The following TMEM132D variants were observed in gnomAD, a reference collection of about 807,000 sequenced individuals.
The protein encoded by TMEM132D is mature OL transmembrane protein.
Under a neutral mutation model 62.3 loss-of-function variants are expected in TMEM132D, and 21 were observed. The observed-to-expected ratio is 0.34, with a 90% confidence interval of 0.24 to 0.49. The LOEUF is 0.49. Among genes scored for constraint, TMEM132D ranks in the 20% least tolerant of loss-of-function variants. The pLI is 0.99. For missense variants in TMEM132D, 1,346 were observed against 1,402.8 expected, an observed-to-expected ratio of 0.96 and a Z score of 0.65; for synonymous variants, 621 against 575.6, an observed-to-expected ratio of 1.08 and a Z score of -1.13.
intron 1 of TMEM132D, among the ~76,000 whole-genome samples, chr12:129,833,691 T>C: frequency 6.6e-6 from 1 of 152,166 alleles, no homozygotes; most frequent in East Asian, 1.9e-4. Context: ...TTTGTGTTTT[T>C]CTAAGAATAA....
intron 1 of TMEM132D, among the ~76,000 whole-genome samples, chr12:129,820,205 T>C (rs1361608190): frequency 3.3e-5 from 5 of 152,188 alleles, no homozygotes; most frequent in African/African-American, 7.2e-5. Context: ...AAAGACCATC[T>C]TGCCTCCCTT....
At chr12:129,275,548 C>T (rs1170688457) in intron 4 of TMEM132D, among the ~76,000 whole-genome samples, 1 of 152,176 alleles carries the variant, frequency 6.6e-6, no homozygotes, top group Non-Finnish European at 1.5e-5. Context: ...TTCATATCCC[C>T]TGGAGCTGAG....
At chr12:129,416,236 C>A (rs867541334) in intron 3 of TMEM132D, among the ~76,000 whole-genome samples, 1 of 152,176 alleles carries the variant, frequency 6.6e-6, no homozygotes, top group Non-Finnish European at 1.5e-5. Flanking sequence ...TTTCCTTGAG[C>A]AGTGGTTTGT....
chr12:129,465,394 G>A (rs1329879191), intron 3 of TMEM132D, among the ~76,000 whole-genome samples: 2 of 152,122 alleles, frequency 1.3e-5, no homozygotes, highest in Non-Finnish European at 2.9e-5. Context: ...CACAAGACAG[G>A]GATGCCCTCT....
At chr12:129,566,515 A>G (rs1327685544) in intron 2 of TMEM132D, among the ~76,000 whole-genome samples, 1 of 152,242 alleles carries the variant, frequency 6.6e-6, no homozygotes, top group African/African-American at 2.4e-5. Flanking sequence ...ATATTAAAAT[A>G]GAGACTGTAA....
chr12:129,828,446 A>G (rs960369228), intron 1 of TMEM132D, among the ~76,000 whole-genome samples: 1 of 151,910 alleles, frequency 6.6e-6, no homozygotes, highest in Non-Finnish European at 1.5e-5. Flanking sequence ...TTATCCATGT[A>G]GATAAACCCC....
chr12:129,894,965 G>A (rs988519894), intron 1 of TMEM132D, among the ~76,000 whole-genome samples: 4 of 152,084 alleles, frequency 2.6e-5, no homozygotes, highest in African/African-American at 7.2e-5. Context: ...ACTCTGCCAC[G>A]CAAAGGCCTT....
intron 1 of TMEM132D, among the ~76,000 whole-genome samples, chr12:129,819,239 C>G (rs1872473009): frequency 6.6e-6 from 1 of 151,982 alleles, no homozygotes; most frequent in Non-Finnish European, 1.5e-5. Flanking sequence ...CCCACAGTGC[C>G]AAGCACTGCA....
intron 3 of TMEM132D, among the ~76,000 whole-genome samples, chr12:129,476,500 C>T (rs994855355): frequency 2.6e-5 from 4 of 152,266 alleles, no homozygotes; most frequent in Non-Finnish European, 2.9e-5. Context: ...GAATTGCTTG[C>T]GTGTGCCGAG....
At chr12:129,115,586 T>C (rs953154017) in intron 5 of TMEM132D, among the ~76,000 whole-genome samples, 1 of 152,174 alleles carries the variant, frequency 6.6e-6, no homozygotes, top group African/African-American at 2.4e-5. Flanking sequence ...GCAGGAAGTA[T>C]GTGTCCTGCC....
intron 5 of TMEM132D, among the ~76,000 whole-genome samples, chr12:129,086,243 C>A (rs1021271246): frequency 2.7e-5 from 4 of 147,588 alleles, no homozygotes; most frequent in Admixed American, 6.8e-5. Context: ...GTGGTGAGGA[C>A]ATTTCTTAAA....
At chr12:129,120,780 G>A (rs541527921) in intron 5 of TMEM132D, among the ~76,000 whole-genome samples, 8 of 152,088 alleles carry the variant, frequency 5.3e-5, no homozygotes, top group Non-Finnish European at 7.4e-5. Flanking sequence ...ACACATAAAC[G>A]GTCTGTACAG....
intron 2 of TMEM132D, among the ~76,000 whole-genome samples, chr12:129,615,609 A>T (rs1268685559): frequency 6.7e-6 from 1 of 150,044 alleles, no homozygotes; most frequent in African/African-American, 2.4e-5. Flanking sequence ...AAGAACAAAA[A>T]AACTAAAGAA....
At chr12:129,886,004 A>G (rs1221123580) in intron 1 of TMEM132D, among the ~76,000 whole-genome samples, 1 of 152,228 alleles carries the variant, frequency 6.6e-6, no homozygotes, top group African/African-American at 2.4e-5. Context: ...ACAAAAATGT[A>G]TGGTTATATA....
At chr12:129,659,670 T>C (rs2137190489) in intron 2 of TMEM132D, among the ~76,000 whole-genome samples, 1 of 152,258 alleles carries the variant, frequency 6.6e-6, no homozygotes, top group South Asian at 2.1e-4. Context: ...ATAAAGAATA[T>C]CCTTTCTGTA....
Position 129,531,129 on chromosome 12 carries a change from T to G in TMEM132D, c.1045A>C (p.Thr349Pro). 1 of 1,614,064 alleles carries G rather than the reference T, an allele frequency of 6.2e-7. No homozygotes were observed. The highest frequency in any genetic ancestry group is 8.5e-7 in the Non-Finnish European group (1 of 1,179,982). ...SPSIWDVKER[T>P]DYTGKYAPAV... ...GGTGCATACTTTCCAGTATAATCCG[T>G]GCGCTCCTTGACATCCCAAATGGAA... Residue 349 changes from threonine (T) to proline (P), a missense_variant, in exon 3 of 9, where the codon ACG becomes CCG. Coordinates refer to ENST00000422113, the MANE Select transcript of TMEM132D (RefSeq NM_133448.3).
intron 3 of TMEM132D, among the ~76,000 whole-genome samples, chr12:129,414,355 A>C (rs1350945942): frequency 6.6e-6 from 1 of 152,244 alleles, no homozygotes; most frequent in Non-Finnish European, 1.5e-5. Flanking sequence ...AAAGTTGTGA[A>C]TATGTGATAG....
At chr12:129,533,808 GAC>G (rs10582076) in intron 2 of TMEM132D, among the ~76,000 whole-genome samples, 32,921 of 152,094 alleles carry the variant, frequency 0.22, 4,356 homozygotes, top group African/African-American at 0.36. Context: ...GTCTTTCAGA[GAC>G]ACAGAACATT....
intron 2 of TMEM132D, among the ~76,000 whole-genome samples, chr12:129,629,753 C>A (rs1190248594): frequency 6.6e-6 from 1 of 152,024 alleles, no homozygotes; most frequent in African/African-American, 2.4e-5. Context: ...ACCTTGTATA[C>A]AAACCTTTGT....
Sources: gnomAD v4.1 joint callset for allele counts (sites outside exome capture counted in the v4.1 genomes callset) on GRCh38, gnomAD v4.1.1 for gene constraint, MANE v1.5 for transcripts, NCBI Gene and HGNC (gene_info 2026-07-23, HGNC 2026-07-21) for gene names.